The following RARB variants were observed in gnomAD, a reference collection of about 807,000 sequenced individuals.
RARB encodes retinoic acid receptor beta.
Under a neutral mutation model 51.9 loss-of-function variants are expected in RARB, and 17 were observed. That is an observed-to-expected ratio of 0.33 (90% CI 0.22 to 0.49). RARB has a LOEUF of 0.49. Among genes scored for constraint, RARB ranks in the 20% least tolerant of loss-of-function variants. The pLI is 0.99. For missense variants in RARB, 369 were observed against 550.8 expected (o/e 0.67, Z 3.30); for synonymous variants, 215 against 195.4 (o/e 1.10, Z -0.84).
chr3:25,440,925 T>C (rs1309550698), intron 1 of RARB, among the ~76,000 whole-genome samples: 3 of 152,188 alleles, frequency 2.0e-5, no homozygotes, highest in African/African-American at 7.2e-5. Flanking sequence ...CCCACATTTA[T>C]ATTAAAAATT....
intron 1 of RARB, among the ~76,000 whole-genome samples, chr3:25,436,562 A>G (rs1708444328): frequency 6.6e-6 from 1 of 152,198 alleles, no homozygotes; most frequent in South Asian, 2.1e-4. Flanking sequence ...GGGAAACAAT[A>G]CAAACTAGAG....
intron 2 of RARB, among the ~76,000 whole-genome samples, chr3:24,886,572 G>A (rs1703270920): frequency 1.3e-5 from 2 of 151,622 alleles, no homozygotes; most frequent in African/African-American, 4.9e-5. Flanking sequence ...AGTCTCCTGA[G>A]TAGCTGAGAC....
At chr3:24,908,239 T>C (rs1232350424) in intron 2 of RARB, among the ~76,000 whole-genome samples, 1 of 152,228 alleles carries the variant, frequency 6.6e-6, no homozygotes, top group Non-Finnish European at 1.5e-5. Flanking sequence ...GTGATTGATT[T>C]AAGGCGTTCG....
intron 1 of RARB, among the ~76,000 whole-genome samples, chr3:25,431,124 C>T (rs1026509944): frequency 1.3e-4 from 19 of 151,426 alleles, no homozygotes; most frequent in African/African-American, 4.1e-4. Flanking sequence ...AAGAACATAA[C>T]CACAACCTTT....
intron 3 of RARB, among the ~76,000 whole-genome samples, chr3:25,542,755 C>T (rs1699437350): frequency 6.6e-6 from 1 of 152,238 alleles, no homozygotes. Context: ...GCATTAGTAA[C>T]TGCCATGGAG....
intron 2 of RARB, among the ~76,000 whole-genome samples, chr3:24,944,044 A>G (rs1176510442): frequency 6.6e-6 from 1 of 152,216 alleles, no homozygotes; most frequent in Non-Finnish European, 1.5e-5. Flanking sequence ...GCCTTGTAAT[A>G]TATTAATGAA....
rs200899531 is a variant in RARB, at chr3:25,569,935, C to T, written c.609+17C>T. The T allele has an allele frequency of 7.8e-5, 126 of 1,609,996 alleles. No homozygotes were observed. In the African/African-American group the frequency reaches 1.4e-3, roughly 18 times the overall value. The stretch of plus-strand genomic sequence containing the variant: ...TACACCACGGTAAGAGATACTCCTG[C>T]CCCAGGCTGCTGGGAGTGTGGAAAC... On this transcript the variant is annotated intron_variant, in intron 4 of 7. Transcript: ENST00000330688.
chr3:25,062,278 A>G lies in RARB; in HGVS notation c.-328+2102A>G, dbSNP rs144019833. On this transcript the variant is annotated intron_variant, in intron 3 of 11. Coordinates refer to the RARB transcript ENST00000383772. ...TAATATTTAAATACATATAAAAGCTATATTTTGTGTTTTGCCTTTTATTGA... is the reference window on the plus strand; with the variant it reads ...TAATATTTAAATACATATAAAAGCTGTATTTTGTGTTTTGCCTTTTATTGA... 6.5e-4 allele frequency among the ~76,000 whole-genome samples: 99 copies of G among 151,998 alleles called. 2 individuals carry two copies. In the East Asian group the frequency reaches 0.016, roughly 25 times the overall value.
At chr3:25,036,369 CA>C (rs1339275864) in intron 2 of RARB, among the ~76,000 whole-genome samples, 1 of 152,130 alleles carries the variant, frequency 6.6e-6, no homozygotes, top group Admixed American at 6.5e-5. Context: ...CGCCAAATCC[CA>C]AACCCTCTCC....
At chr3:25,526,140 A>G (rs2125637539) in intron 3 of RARB, among the ~76,000 whole-genome samples, 1 of 152,332 alleles carries the variant, frequency 6.6e-6, no homozygotes, top group East Asian at 1.9e-4. Flanking sequence ...GAGCACAAGT[A>G]TGGAGAGAAG....
At chr3:25,479,332 T>C (rs1435721032) in intron 2 of RARB, among the ~76,000 whole-genome samples, 1 of 152,224 alleles carries the variant, frequency 6.6e-6, no homozygotes. Flanking sequence ...GGTGTCTTAC[T>C]CTATGTTAAA....
At chr3:24,949,979 C>T (rs764211089) in intron 2 of RARB, among the ~76,000 whole-genome samples, 1 of 152,190 alleles carries the variant, frequency 6.6e-6, no homozygotes, top group African/African-American at 2.4e-5. Flanking sequence ...GAGGGAAGAG[C>T]GAAAGGACAG....
intron 5 of RARB, among the ~76,000 whole-genome samples, chr3:25,239,795 G>A (rs780281194): frequency 3.3e-5 from 5 of 151,848 alleles, no homozygotes; most frequent in Non-Finnish European, 7.4e-5. Context: ...CTCTTTTTTG[G>A]TTCCATACAA....
intron 2 of RARB, among the ~76,000 whole-genome samples, chr3:24,969,630 A>T (rs1241667492): frequency 2.6e-5 from 4 of 152,102 alleles, no homozygotes. Flanking sequence ...AATACATCAA[A>T]TTGCCAAGTA....
intron 3 of RARB, among the ~76,000 whole-genome samples, chr3:25,075,139 G>A (rs539882697): frequency 6.6e-6 from 1 of 152,292 alleles, no homozygotes; most frequent in African/African-American, 2.4e-5. Flanking sequence ...CTAAGATGCA[G>A]ATGTGGGGGT....
chr3:24,980,906 C>G (rs1175967815), intron 2 of RARB, among the ~76,000 whole-genome samples: 1 of 152,212 alleles, frequency 6.6e-6, no homozygotes, highest in Non-Finnish European at 1.5e-5. Context: ...ATAGATTTAT[C>G]TACCTTTGGT....
At position 25,038,035 on chromosome 3, in the gene RARB, G is replaced by A. The variant is rs113895768; in HGVS notation, c.-379-22090G>A. ...CCCATTTAGACATGGAGAAAATGAG[G>A]CTCAAATTGCTTATAAACCTCTCCA... On this transcript the variant is annotated intron_variant, in intron 2 of 11. Transcript: ENST00000383772. 6.1e-3 allele frequency among the ~76,000 whole-genome samples: 935 copies of A among 152,136 alleles called. 10 individuals are homozygous for A. Among genetic ancestry groups the A allele is most frequent in the African/African-American group, 0.021 (889 of 41,450 alleles).
intron 5 of RARB, among the ~76,000 whole-genome samples, chr3:25,280,521 G>C (rs568407107): frequency 1.3e-5 from 2 of 152,244 alleles, no homozygotes; most frequent in African/African-American, 4.8e-5. Context: ...AGAAATGTTG[G>C]AAAGGTCACT....
intron 5 of RARB, among the ~76,000 whole-genome samples, chr3:25,592,154 G>A (rs139662505): frequency 1.3e-5 from 2 of 152,198 alleles, no homozygotes; most frequent in Admixed American, 1.3e-4. Context: ...CCTAGGTAGA[G>A]GTCCTGTGTC....
Sources: allele counts gnomAD v4.1 joint callset (sites outside exome capture counted in the v4.1 genomes callset), GRCh38; gene constraint gnomAD v4.1.1; transcripts MANE v1.5; gene names NCBI Gene and HGNC (gene_info 2026-07-23, HGNC 2026-07-21).